SFMBT2: variants seen among roughly 807,000 people sequenced by gnomAD.
SFMBT2 encodes scm-like with four MBT domains protein 2.
SFMBT2 carries 38 observed loss-of-function variants against 110.1 expected under a neutral mutation model. That is an observed-to-expected ratio of 0.35 (90% CI 0.27 to 0.45). The LOEUF (loss-of-function observed/expected upper bound fraction) is 0.45. Ranked by LOEUF, SFMBT2 falls within the 20% of genes least tolerant of loss-of-function variation. SFMBT2 has a pLI of 1.00. For synonymous variants in SFMBT2, 425 were observed against 425.4 expected (o/e 1.00, Z 0.01); for missense variants, 1,011 against 1,094.9 (o/e 0.92, Z 1.08).
intron 1 of SFMBT2, among the ~76,000 whole-genome samples, chr10:7,382,253 T>C (rs1343958797): frequency 6.6e-6 from 1 of 151,832 alleles, no homozygotes; most frequent in Non-Finnish European, 1.5e-5. Context: ...CTACTGAAAA[T>C]ACAAAAGTGA....
rs540266951 is a variant in SFMBT2 at position 7,294,253 on chromosome 10, G to C, written c.437-8299C>G. Among the ~76,000 whole-genome samples, 24 of 152,304 alleles carry C rather than the reference G, an allele frequency of 1.6e-4. No homozygotes were observed. The South Asian group carries it at 5.0e-3, about 32-fold the overall frequency. On this transcript the variant is annotated intron_variant, in intron 4 of 20. Coordinates refer to ENST00000397167, the MANE Select transcript of SFMBT2 (RefSeq NM_001387889.1). Reference sequence around the variant, plus strand: ...AATAAAAAGCACGCCAACTCACCCAGTGCATCTGTATGGGATAAAAGGATG... The same window carrying C: ...AATAAAAAGCACGCCAACTCACCCACTGCATCTGTATGGGATAAAAGGATG...
At chr10:7,238,124 C>A (rs1320031329) in intron 9 of SFMBT2, among the ~76,000 whole-genome samples, 1 of 152,068 alleles carries the variant, frequency 6.6e-6, no homozygotes. Flanking sequence ...GCAGAGAGAC[C>A]CATGGTTTAT....
intron 4 of SFMBT2, among the ~76,000 whole-genome samples, chr10:7,290,742 C>G (rs941251286): frequency 1.3e-5 from 2 of 151,926 alleles, no homozygotes; most frequent in African/African-American, 2.4e-5. Context: ...GAGGCTGAGG[C>G]AGGAGAATGG....
rs76543767 is a variant in SFMBT2 at position 7,219,470 on chromosome 10, T to G, written c.1330+941A>C. Among the ~76,000 whole-genome samples the G allele has an allele frequency of 2.1e-3, 326 of 152,358 alleles. 1 individual carries two copies. The highest frequency in any genetic ancestry group is 7.1e-3 in the African/African-American group (296 of 41,584). ...CCCCTGGACTACATATGTATGAGAT[T>G]GTAGGCTTATTTAAGACCTTTGCAG... is the stretch of plus-strand genomic sequence containing the variant. On this transcript the variant is annotated intron_variant, in intron 11 of 20. Coordinates refer to ENST00000397167, the MANE Select transcript of SFMBT2 (RefSeq NM_001387889.1).
intron 9 of SFMBT2, among the ~76,000 whole-genome samples, chr10:7,233,998 C>G (rs1840183689): frequency 6.6e-6 from 1 of 152,244 alleles, no homozygotes. Flanking sequence ...ACAGGCAGGA[C>G]AGCAAACATC....
intron 4 of SFMBT2, among the ~76,000 whole-genome samples, chr10:7,338,336 C>G (rs1399662857): frequency 6.6e-6 from 1 of 152,130 alleles, no homozygotes; most frequent in Non-Finnish European, 1.5e-5. Flanking sequence ...CTGAATCCCC[C>G]AAAAGTCAAA....
chr10:7,395,309 A>G (rs2132113125), intron 1 of SFMBT2, among the ~76,000 whole-genome samples: 1 of 152,324 alleles, frequency 6.6e-6, no homozygotes, highest in African/African-American at 2.4e-5. Flanking sequence ...TACGTTGGAA[A>G]AACGTCCTCC....
chr10:7,191,860 C>T (rs2131583202), intron 15 of SFMBT2, among the ~76,000 whole-genome samples: 1 of 152,192 alleles, frequency 6.6e-6, no homozygotes, highest in Non-Finnish European at 1.5e-5. Flanking sequence ...TTCTGTTCAT[C>T]TAAAAATTAA....
chr10:7,333,371 G>A (rs1843618580), intron 4 of SFMBT2, among the ~76,000 whole-genome samples: 1 of 151,226 alleles, frequency 6.6e-6, no homozygotes, highest in Admixed American at 6.6e-5. Flanking sequence ...TCTGGTGGAT[G>A]AGGATAACTT....
intron 2 of SFMBT2, among the ~76,000 whole-genome samples, chr10:7,376,718 G>GAACC (rs1845222802): frequency 1.6e-4 from 2 of 12,258 alleles, no homozygotes; most frequent in Non-Finnish European, 3.4e-4. Flanking sequence ...AAAAAAAAAG[G>GAACC]CCCTCCCACA....
intron 8 of SFMBT2, among the ~76,000 whole-genome samples, chr10:7,247,684 T>A (rs1030620876): frequency 6.6e-6 from 1 of 152,128 alleles, no homozygotes; most frequent in Non-Finnish European, 1.5e-5. Flanking sequence ...TAAAACAGAT[T>A]TAAATCTTTA....
chr10:7,174,587 T>C (rs986220398), intron 17 of SFMBT2, among the ~76,000 whole-genome samples: 2 of 152,250 alleles, frequency 1.3e-5, no homozygotes, highest in African/African-American at 2.4e-5. Context: ...GAGACATCTC[T>C]GAGTTCATTT....
intron 20 of SFMBT2, among the ~76,000 whole-genome samples, chr10:7,169,057 G>A (rs1019592344): frequency 1.3e-5 from 2 of 152,136 alleles, no homozygotes; most frequent in Non-Finnish European, 2.9e-5. Flanking sequence ...CTCCCTCCCA[G>A]GTTCAAGCAA....
rs1844964945 is a variant in SFMBT2 at position 7,368,229 on chromosome 10, CT to C, written c.196-341del. The C allele has an allele frequency of 5.1e-6, 3 of 583,172 alleles. No homozygotes were observed. The African/African-American group carries it at 6.1e-5, about 12-fold the overall frequency. The allele number at this position is 583,172 out of a possible 1,614,324, so 36.1% of individuals were successfully genotyped here. A position where few individuals can be genotyped will look rare whatever the true frequency, so the allele number is the denominator to read the frequency against. ...TCTTTTTGAATAAAGCCTCTAAAAC[CT>C]GGTGTGTATTCTACACTCAGAGCAC... On this transcript the variant is annotated intron_variant, in intron 3 of 20. Coordinates refer to ENST00000397167, the MANE Select transcript of SFMBT2 (RefSeq NM_001387889.1).
intron 4 of SFMBT2, among the ~76,000 whole-genome samples, chr10:7,331,980 TAC>T (rs778089146): frequency 7.7e-5 from 10 of 129,440 alleles, no homozygotes; most frequent in Non-Finnish European, 1.4e-4. Context: ...ACCATTGCAC[TAC>T]AGTCTCCTGG....
At chr10:7,306,807 T>C (rs1842713015) in intron 4 of SFMBT2, among the ~76,000 whole-genome samples, 2 of 152,034 alleles carry the variant, frequency 1.3e-5, no homozygotes, top group South Asian at 2.1e-4. Flanking sequence ...GAAAACATTG[T>C]CCCTACTCCA....
intron 2 of SFMBT2, 115 bp downstream of exon 2, chr10:7,381,684 G>A (rs946761179): frequency 1.7e-6 from 2 of 1,150,344 alleles, no homozygotes; most frequent in Middle Eastern, 2.2e-4. Context: ...CAAATCCCAG[G>A]AACCAGACAG....
chr10:7,329,591 G>T, intron 4 of SFMBT2: 1 of 760,246 alleles, frequency 1.3e-6, no homozygotes, highest in Non-Finnish European at 1.6e-6. Flanking sequence ...ATTTGCTGAT[G>T]CTCACAGATT....
intron 4 of SFMBT2, among the ~76,000 whole-genome samples, chr10:7,356,325 T>C (rs147240007): frequency 2.0e-5 from 3 of 152,270 alleles, no homozygotes; most frequent in Admixed American, 6.5e-5. Context: ...ACAGGCCATA[T>C]AGTGATTAAG....
Sources: allele counts gnomAD v4.1 joint callset (sites outside exome capture counted in the v4.1 genomes callset), GRCh38; gene constraint gnomAD v4.1.1; transcripts MANE v1.5; gene names NCBI Gene and HGNC (gene_info 2026-07-23, HGNC 2026-07-21).